The following SRRM3 variants were observed in gnomAD, a reference collection of about 807,000 sequenced individuals.
SRRM3 encodes the protein serine/arginine repetitive matrix protein 3.
SRRM3 carries 27 observed loss-of-function variants against 66.2 expected under a neutral mutation model. The observed-to-expected ratio is 0.41, with a 90% confidence interval of 0.30 to 0.56. The LOEUF (loss-of-function observed/expected upper bound fraction) is 0.56. Ranked by LOEUF, SRRM3 falls within the 20% of genes least tolerant of loss-of-function variation. The probability of loss-of-function intolerance (pLI) is 0.32; values close to 1 mark genes in which losing one functional copy is unlikely to be tolerated. For synonymous variants in SRRM3, 391 were observed against 414.9 expected (o/e 0.94, Z 0.70); for missense variants, 918 against 991.9 (o/e 0.93, Z 1.00).
chr7:76,270,636 C>T (rs1358542873), intron 11 of SRRM3, among the ~76,000 whole-genome samples: 1 of 151,918 alleles, frequency 6.6e-6, no homozygotes, highest in East Asian at 1.9e-4. Flanking sequence ...ACATGGCGAA[C>T]CCCCGTCTCT....
At chr7:76,283,475 C>T (rs1385061369) in intron 14 of SRRM3, 3 of 465,676 alleles carry the variant, frequency 6.4e-6, no homozygotes, top group Non-Finnish European at 1.3e-5. Flanking sequence ...CCCGCCCTCC[C>T]TGCATCCGTC....
intron 5 of SRRM3, 24 bp downstream of exon 5, chr7:76,260,221 C>T: frequency 6.6e-7 from 1 of 1,513,674 alleles, no homozygotes; most frequent in Non-Finnish European, 8.8e-7. Flanking sequence ...CTGACCGGAG[C>T]GGGAAGGGAG....
At chr7:76,251,428 G>A (rs1380836604) in intron 3 of SRRM3, among the ~76,000 whole-genome samples, 2 of 151,022 alleles carry the variant, frequency 1.3e-5, no homozygotes, top group South Asian at 2.1e-4. Context: ...AGGCTGGAGT[G>A]CAGTGGCGCA....
chr7:76,230,673 G>A (rs1800991232), intron 1 of SRRM3, among the ~76,000 whole-genome samples: 1 of 151,228 alleles, frequency 6.6e-6, no homozygotes, highest in South Asian at 2.1e-4. Context: ...GGGAACAGAA[G>A]GGAAGGGAGA....
chr7:76,263,218 A>G (rs1461299449), intron 8 of SRRM3, among the ~76,000 whole-genome samples: 6 of 152,204 alleles, frequency 3.9e-5, no homozygotes, highest in East Asian at 1.9e-4. Flanking sequence ...CCAACTTCCA[A>G]TGGGGAGACT....
intron 1 of SRRM3, among the ~76,000 whole-genome samples, chr7:76,225,831 G>T (rs782405148): frequency 6.6e-5 from 10 of 152,204 alleles, no homozygotes; most frequent in Non-Finnish European, 1.5e-4. Context: ...CTATGAGGAA[G>T]ATGCTATTAT....
At chr7:76,223,386 G>C in intron 1 of SRRM3, among the ~76,000 whole-genome samples, 1 of 152,206 alleles carries the variant, frequency 6.6e-6, no homozygotes, top group East Asian at 1.9e-4. Context: ...CAGCAGGAGA[G>C]TGCTCCAGGG....
chr7:76,244,342 T>A (rs1280137342), intron 2 of SRRM3, among the ~76,000 whole-genome samples: 1 of 151,926 alleles, frequency 6.6e-6, no homozygotes, highest in African/African-American at 2.4e-5. Context: ...CTGGCCAACA[T>A]GGTGAAACCC....
At chr7:76,245,984 C>T (rs1163936187) in intron 2 of SRRM3, among the ~76,000 whole-genome samples, 1 of 152,080 alleles carries the variant, frequency 6.6e-6, no homozygotes, top group Non-Finnish European at 1.5e-5. Context: ...AGATGTGAGC[C>T]ACTGCACCTG....
intron 1 of SRRM3, among the ~76,000 whole-genome samples, chr7:76,208,812 G>A (rs1554601393): frequency 1.4e-5 from 2 of 143,528 alleles, no homozygotes; most frequent in Non-Finnish European, 3.0e-5. Flanking sequence ...TCCAGCCTGA[G>A]TGAGTGTAGA....
intron 9 of SRRM3, 90 bp downstream of exon 9, chr7:76,264,905 T>A (rs1267362053): frequency 1.8e-5 from 25 of 1,373,548 alleles, no homozygotes; most frequent in Non-Finnish European, 2.4e-5. Flanking sequence ...ATCAGGCCAT[T>A]AAAGGTAGCT....
At chr7:76,202,135 C>G (rs1554600665) in intron 1 of SRRM3, 68 bp downstream of exon 1, 1 of 152,420 alleles carries the variant, frequency 6.6e-6, no homozygotes, top group African/African-American at 2.4e-5. Context: ...TCGGGCCTCC[C>G]CAGCACCCCC....
At chr7:76,238,132 A>C (rs1445759739) in intron 2 of SRRM3, among the ~76,000 whole-genome samples, 2 of 151,948 alleles carry the variant, frequency 1.3e-5, no homozygotes, top group Non-Finnish European at 2.9e-5. Context: ...GCATTCTGAG[A>C]CTCCCAAATC....
intron 1 of SRRM3, among the ~76,000 whole-genome samples, 159 bp downstream of exon 1, chr7:76,202,226 G>A (rs551347372): frequency 9.8e-4 from 150 of 152,342 alleles, no homozygotes; most frequent in Non-Finnish European, 1.7e-3. Context: ...AGGCGCCCGG[G>A]GAGCAGAGAT....
intron 2 of SRRM3, among the ~76,000 whole-genome samples, chr7:76,243,337 G>A (rs1349331481): frequency 6.6e-6 from 1 of 152,098 alleles, no homozygotes; most frequent in Non-Finnish European, 1.5e-5. Flanking sequence ...CAAGAGATAA[G>A]AGGGGAAAGG....
At chr7:76,266,845 G>C (rs897518058) in intron 10 of SRRM3, among the ~76,000 whole-genome samples, 1 of 150,902 alleles carries the variant, frequency 6.6e-6, no homozygotes, top group Non-Finnish European at 1.5e-5. Context: ...ACTAATTTTT[G>C]TATTTTTAGC....
In SRRM3 at chr7:76,281,485, C is replaced by T. The variant is rs1554611893; in HGVS notation, c.1053C>T (p.Ala351=). ...PSPRVRDKAA[A]AAPTPPARGK... is the part of the protein sequence containing the mutation. ...CCAGGGTCCGTGACAAGGCGGCGGC[C>T]GCCGCACCCACGCCGCCCGCGCGGG... The change falls in exon 12 of 15, where the codon GCC becomes GCT. Residue 351 remains alanine (A), a synonymous_variant. Coordinates refer to ENST00000611745, the MANE Select transcript of SRRM3 (RefSeq NM_001110199.3). 13 of 1,229,004 alleles carry T rather than the reference C, an allele frequency of 1.1e-5. No homozygotes were observed. The highest frequency in any genetic ancestry group is 1.2e-5 in the Non-Finnish European group (12 of 981,788). 76.1% of individuals were successfully genotyped at this position (1,229,004 alleles called of 1,614,324 possible). A position where few individuals can be genotyped will look rare whatever the true frequency, so the allele number is the denominator to read the frequency against.
At chr7:76,284,331 C>T (rs539750315) in intron 14 of SRRM3, among the ~76,000 whole-genome samples, 106 of 152,144 alleles carry the variant, frequency 7.0e-4, no homozygotes, top group Non-Finnish European at 5.3e-4. Flanking sequence ...CCCACCACCA[C>T]GCCCAGCTAA....
At chr7:76,255,151 T>TTTTTTTTTC (rs1801680577) in intron 3 of SRRM3, among the ~76,000 whole-genome samples, 2 of 133,538 alleles carry the variant, frequency 1.5e-5, no homozygotes, top group African/African-American at 2.8e-5. Flanking sequence ...TTTCTTTCTT[T>TTTTTTTTTC]TTTTTTTTTT....
Sources: allele counts gnomAD v4.1 joint callset (sites outside exome capture counted in the v4.1 genomes callset), GRCh38; gene constraint gnomAD v4.1.1; transcripts MANE v1.5; gene names NCBI Gene and HGNC (gene_info 2026-07-23, HGNC 2026-07-21).